The following TRAPPC9 variants were observed in gnomAD, a reference collection of about 807,000 sequenced individuals.
TRAPPC9 encodes trafficking protein particle complex subunit 9, also known as IKK2 binding protein.
A neutral mutation model predicts 124.0 loss-of-function variants in TRAPPC9; 83 were observed. The ratio of observed to expected loss-of-function variants is 0.67; its 90% CI spans 0.56 to 0.80. The LOEUF (loss-of-function observed/expected upper bound fraction) is 0.80. Ranked by LOEUF, TRAPPC9 falls within the 30% of genes least tolerant of loss-of-function variation. TRAPPC9 has a pLI of 0.00. For missense variants in TRAPPC9, 1,302 were observed against 1,508.3 expected (o/e 0.86, Z 2.27); for synonymous variants, 638 against 617.5 (o/e 1.03, Z -0.49).
intron 19 of TRAPPC9, among the ~76,000 whole-genome samples, chr8:139,958,901 C>CGGGGG (rs1835172250): frequency 6.7e-6 from 1 of 149,802 alleles, no homozygotes; most frequent in African/African-American, 2.5e-5. Flanking sequence ...CCGAGTCACA[C>CGGGGG]AGGGGAGCAC....
chr8:139,808,058 C>T (rs1407521739), intron 21 of TRAPPC9, among the ~76,000 whole-genome samples: 2 of 152,190 alleles, frequency 1.3e-5, no homozygotes, highest in Non-Finnish European at 2.9e-5. Context: ...GTTAAAGTCA[C>T]CAAGCCTGAG....
At chr8:140,425,659 C>T (rs1022544053) in intron 5 of TRAPPC9, among the ~76,000 whole-genome samples, 1 of 151,958 alleles carries the variant, frequency 6.6e-6, no homozygotes, top group South Asian at 2.1e-4. Context: ...ACCAGCCAAA[C>T]TGGGGCTCAG....
chr8:139,851,637 G>C (rs530733991), intron 21 of TRAPPC9, among the ~76,000 whole-genome samples: 3 of 152,204 alleles, frequency 2.0e-5, no homozygotes, highest in Admixed American at 2.0e-4. Context: ...CCTGGAGAGT[G>C]CCGGAAAACC....
intron 21 of TRAPPC9, among the ~76,000 whole-genome samples, chr8:139,801,597 G>A (rs1823533042): frequency 6.6e-6 from 1 of 152,200 alleles, no homozygotes; most frequent in Admixed American, 6.5e-5. Flanking sequence ...ATGGGGTGCT[G>A]GGATGCGAAA....
In TRAPPC9 at chr8:139,825,450, C is replaced by T. The variant is rs1271928609; in HGVS notation, c.3055+60429G>A. 6.6e-6 allele frequency among the ~76,000 whole-genome samples: 1 copy of T among 152,162 alleles called. No homozygotes were observed. Among genetic ancestry groups the T allele is most frequent in the Non-Finnish European group, 1.5e-5 (1 of 68,022 alleles). On this transcript the variant is annotated intron_variant, in intron 21 of 22. Transcript: ENST00000438773. The surrounding 1 kb of genome is among the most constrained non-coding windows in gnomAD (Gnocchi z 4.6). ...GGCCCAGGAAGTGCTTCCCGGGCGC[C>T]GGATGGATGGGCACCAGGGCCAGGT...
At chr8:140,347,649 C>A (rs1252989103) in intron 9 of TRAPPC9, among the ~76,000 whole-genome samples, 2 of 152,194 alleles carry the variant, frequency 1.3e-5, no homozygotes, top group Non-Finnish European at 2.9e-5. Context: ...TGCTCATTGG[C>A]TATAAAGCCC....
chr8:140,112,121 G>A (rs115395513), intron 17 of TRAPPC9, among the ~76,000 whole-genome samples: 4,319 of 152,360 alleles, frequency 0.028, 205 homozygotes, highest in African/African-American at 0.098. Flanking sequence ...GCTTTGGCTC[G>A]CCTTGCCTTG....
At position 140,229,251 on chromosome 8, in the gene TRAPPC9, C is replaced by CTTTTTTTTTTTT. The variant is rs528175891; in HGVS notation, c.2432-7680_2432-7669dup. On this transcript the variant is annotated intron_variant, in intron 16 of 22. Coordinates refer to ENST00000438773, the MANE Select transcript of TRAPPC9 (RefSeq NM_001160372.4). ...AGTCAATTCCGTATGTTTTCTTTTTCTTTTTTTTTTTTTTTTTTTTTTTTT... is the reference window on the plus strand; with the variant it reads ...AGTCAATTCCGTATGTTTTCTTTTTCTTTTTTTTTTTTTTTTTTTTTTTTTTTTTTTTTTTTT... Among the ~76,000 whole-genome samples the CTTTTTTTTTTTT allele has an allele frequency of 2.0e-4, 20 of 99,820 alleles. 2 individuals are homozygous for CTTTTTTTTTTTT. The highest frequency in any genetic ancestry group is 7.4e-4 in the African/African-American group (16 of 21,738). 65.5% of individuals were successfully genotyped at this position (99,820 alleles called of 152,430 possible).
At chr8:140,334,487 T>C (rs1255337184) in intron 9 of TRAPPC9, among the ~76,000 whole-genome samples, 1 of 151,926 alleles carries the variant, frequency 6.6e-6, no homozygotes, top group African/African-American at 2.4e-5. Flanking sequence ...CCATCTCTAC[T>C]AAAAATACAA....
At chr8:140,370,376 T>A (rs1242196818) in intron 8 of TRAPPC9, among the ~76,000 whole-genome samples, 3 of 152,124 alleles carry the variant, frequency 2.0e-5, no homozygotes, top group African/African-American at 4.8e-5. Context: ...TGACCTCAAG[T>A]GATCCGCCCA....
chr8:139,757,157 C>T (rs1292264616), intron 21 of TRAPPC9, among the ~76,000 whole-genome samples: 4 of 126,938 alleles, frequency 3.2e-5, no homozygotes, highest in Non-Finnish European at 6.4e-5. Flanking sequence ...CAGCAGGTCG[C>T]AGGAGGAGCC....
chr8:140,003,747 T>C (rs564361138), intron 18 of TRAPPC9, among the ~76,000 whole-genome samples: 11 of 152,220 alleles, frequency 7.2e-5, no homozygotes, highest in African/African-American at 2.6e-4. Flanking sequence ...CTAGTAGAGA[T>C]GGAAAATGGT....
chr8:140,338,699 C>T (rs954224074), intron 9 of TRAPPC9, among the ~76,000 whole-genome samples: 4 of 152,264 alleles, frequency 2.6e-5, no homozygotes, highest in Admixed American at 6.5e-5. Context: ...GTCAAGAAGA[C>T]GGCCACCTAC....
chr8:139,829,385 G>A (rs892900439), intron 21 of TRAPPC9, among the ~76,000 whole-genome samples: 2 of 152,268 alleles, frequency 1.3e-5, no homozygotes, highest in African/African-American at 2.4e-5. Flanking sequence ...CTCCAAAGCA[G>A]TAGTCTCTGT....
At chr8:139,739,115 C>T (rs548114784) in intron 21 of TRAPPC9, among the ~76,000 whole-genome samples, 114 of 152,294 alleles carry the variant, frequency 7.5e-4, no homozygotes, top group African/African-American at 2.5e-3. Context: ...ACATCTCGAC[C>T]GGGCACCACG....
chr8:140,223,022 CT>C (rs1295193525), intron 16 of TRAPPC9, among the ~76,000 whole-genome samples: 2 of 152,160 alleles, frequency 1.3e-5, no homozygotes, highest in Non-Finnish European at 2.9e-5. Flanking sequence ...TTTATTCTTT[CT>C]TTTTAAGTTC....
chr8:139,778,580 A>T (rs1470390205), intron 21 of TRAPPC9, among the ~76,000 whole-genome samples: 2 of 152,248 alleles, frequency 1.3e-5, no homozygotes, highest in African/African-American at 4.8e-5. Context: ...GACATAGAAG[A>T]TACAAAAATG....
chr8:140,048,894 C>T (rs143297841), intron 17 of TRAPPC9, among the ~76,000 whole-genome samples: 1,992 of 152,270 alleles, frequency 0.013, 46 homozygotes, highest in African/African-American at 0.045. Context: ...CCCCTCTAGT[C>T]GAAGGCAGGA....
chr8:139,849,686 C>T (rs1316190920), intron 21 of TRAPPC9, among the ~76,000 whole-genome samples: 1 of 152,182 alleles, frequency 6.6e-6, no homozygotes, highest in African/African-American at 2.4e-5. Flanking sequence ...GTTTTCTGAG[C>T]GTGTCCACAC....
Sources: gnomAD v4.1 joint callset for allele counts (sites outside exome capture counted in the v4.1 genomes callset) on GRCh38, gnomAD v4.1.1 for gene constraint, Gnocchi (gnomAD v3.1) non-coding constraint, MANE v1.5 for transcripts, NCBI Gene and HGNC (gene_info 2026-07-23, HGNC 2026-07-21) for gene names.